Variants in KCNT1 observed in about 807,000 individuals in gnomAD.
The protein encoded by KCNT1 is potassium channel subfamily T member 1.
KCNT1 carries 78 observed loss-of-function variants against 147.8 expected under a neutral mutation model. The ratio of observed to expected loss-of-function variants is 0.53; its 90% CI spans 0.44 to 0.64. The LOEUF is 0.64. Ranked by LOEUF, KCNT1 falls within the 30% of genes least tolerant of loss-of-function variation. The pLI is 0.00. For synonymous variants in KCNT1, 867 were observed against 748.8 expected, an observed-to-expected ratio of 1.16 and a Z score of -2.58; for missense variants, 1,419 against 1,750.3, an observed-to-expected ratio of 0.81 and a Z score of 3.38.
chr9:135,770,144 C>T (rs777350243), intron 16 of KCNT1, 89 bp downstream of exon 16: 73 of 1,396,654 alleles, frequency 5.2e-5, no homozygotes, highest in Admixed American at 3.9e-4. Flanking sequence ...CGGGGATGGG[C>T]TTCCCAGAGG....
intron 1 of KCNT1, chr9:135,703,288 G>A (rs1261150741): frequency 6.6e-6 from 1 of 152,508 alleles, no homozygotes; most frequent in Admixed American, 6.5e-5. Flanking sequence ...GCTGTCCTGA[G>A]GCCAGAGAAG....
In KCNT1 at chr9:135,794,210, T is replaced by G. The variant is rs72771913; in HGVS notation, c.*2049T>G. 1 of 152,216 alleles carries G rather than the reference T, an allele frequency of 6.6e-6. No homozygotes were observed. The highest frequency in any genetic ancestry group is 2.4e-5 in the African/African-American group (1 of 41,428). The allele number at this position is 152,216 out of a possible 1,614,324, so 9.4% of individuals were successfully genotyped here. A position where few individuals can be genotyped will look rare whatever the true frequency, so the allele number is the denominator to read the frequency against. ...CACCATGGGGGAGTCGCATGACTTA[T>G]TCGGGATTGACTTGCGATGTGGATG... On this transcript the variant is annotated 3_prime_UTR_variant, in exon 31 of 31. Transcript: ENST00000371757.
chr9:135,739,355 A>G (rs1385782671), intron 2 of KCNT1, among the ~76,000 whole-genome samples: 1 of 152,024 alleles, frequency 6.6e-6, no homozygotes, highest in Non-Finnish European at 1.5e-5. Flanking sequence ...CAGGTCTGTC[A>G]GTCCAGCTGT....
rs1832679919 is a variant in KCNT1 at position 135,770,512 on chromosome 9, C to G, written c.1769+65C>G. ...CTGCTCTGCTCTGTGCCCTCCCCAC[C>G]CTCCCGGTCAGGCACAGGGGTGGCC... On this transcript the variant is annotated intron_variant, in intron 17 of 30. Coordinates refer to ENST00000371757, the MANE Select transcript of KCNT1 (RefSeq NM_020822.3). 12 of 1,537,512 alleles carry G rather than the reference C, an allele frequency of 7.8e-6. No homozygotes were observed. In the Admixed American group the frequency reaches 9.7e-5, roughly 12 times the overall value.
chr9:135,731,991 T>TATATATATAGAG (rs1276318460), intron 2 of KCNT1, among the ~76,000 whole-genome samples: 34 of 21,714 alleles, frequency 1.6e-3, no homozygotes, highest in Non-Finnish European at 1.9e-3. Flanking sequence ...TATATATATA[T>TATATATATAGAG]AGAGAGAGAG....
chr9:135,754,216 G>T (rs1202234188), intron 5 of KCNT1, among the ~76,000 whole-genome samples: 1 of 152,244 alleles, frequency 6.6e-6, no homozygotes, highest in African/African-American at 2.4e-5. Flanking sequence ...CCTGGTCCCT[G>T]AGGGATAATG....
At position 135,791,466 on chromosome 9, in the gene KCNT1, GGCAGGTGTGCGCTGGTGTGT is replaced by G. The variant is rs1253843496; in HGVS notation, c.3503-320_3503-301del. The G allele has an allele frequency of 5.0e-4, 160 of 319,484 alleles. 5 individuals are homozygous for G. In the South Asian group the frequency reaches 5.1e-3, roughly 10 times the overall value. 19.8% of individuals were successfully genotyped at this position (319,484 alleles called of 1,614,324 possible). A position where few individuals can be genotyped will look rare whatever the true frequency, so the allele number is the denominator to read the frequency against. ...CCGGTGTCTGCAGGCTGACGTACGT[GGCAGGTGTGCGCTGGTGTGT>G]GCAGGTGTGCTCAGTGCCTCTGCTC... On this transcript the variant is annotated intron_variant, in intron 29 of 30. Coordinates refer to ENST00000371757, the MANE Select transcript of KCNT1 (RefSeq NM_020822.3).
chr9:135,722,058 G>A (rs529026303), intron 2 of KCNT1, among the ~76,000 whole-genome samples: 68 of 152,312 alleles, frequency 4.5e-4, no homozygotes, highest in Non-Finnish European at 6.0e-4. Flanking sequence ...AGAGGCTGTC[G>A]GTGACCAGGG....
At chr9:135,780,142 C>T (rs1833502214) in intron 24 of KCNT1, among the ~76,000 whole-genome samples, 1 of 152,214 alleles carries the variant, frequency 6.6e-6, no homozygotes, top group Non-Finnish European at 1.5e-5. Flanking sequence ...TGACCCCAGC[C>T]CCACCGCATT....
intron 19 of KCNT1, among the ~76,000 whole-genome samples, chr9:135,774,235 T>G (rs1323593566): frequency 6.7e-6 from 1 of 149,530 alleles, no homozygotes; most frequent in East Asian, 2.0e-4. Context: ...GTGTTGTGTG[T>G]GGTGTGTGTC....
intron 2 of KCNT1, among the ~76,000 whole-genome samples, chr9:135,722,057 C>T (rs1299712730): frequency 3.9e-5 from 6 of 152,190 alleles, no homozygotes; most frequent in Admixed American, 2.0e-4. Flanking sequence ...CAGAGGCTGT[C>T]GGTGACCAGG....
At chr9:135,748,649 G>A (rs926898394) in intron 2 of KCNT1, among the ~76,000 whole-genome samples, 2 of 152,226 alleles carry the variant, frequency 1.3e-5, no homozygotes, top group Non-Finnish European at 1.5e-5. Context: ...GCTGCCCTGG[G>A]ACCTCTGCTT....
In KCNT1 at chr9:135,702,342, G is replaced by C; in HGVS notation, c.84G>C (p.Glu28Asp). 1 of 1,611,524 alleles carries C rather than the reference G, an allele frequency of 6.2e-7. No individual in the cohort carries two copies. The highest frequency in any genetic ancestry group is 8.5e-7 in the Non-Finnish European group (1 of 1,179,254). ...RGGGYTNRTF[E>D]FDDGQCAPRR... ...GGGGCTACACCAACCGGACCTTCGA[G>C]TTTGACGACGGCCAATGCGCCCCCA... Residue 28 changes from glutamate to aspartate, a missense_variant, in exon 1 of 31, where the codon GAG (glutamate) becomes GAC (aspartate). Glu to Asp is a conservative substitution (Grantham distance 45). Around this residue, in one of 5 missense-constraint regions of KCNT1, gnomAD observed 181 missense variants for 155.7 expected, o/e 1.16. Transcript: ENST00000371757.
intron 1 of KCNT1, among the ~76,000 whole-genome samples, chr9:135,711,732 G>T (rs1395395716): frequency 6.6e-6 from 1 of 152,220 alleles, no homozygotes. Flanking sequence ...CCAAAAGTCA[G>T]TGTCCCAAGC....
chr9:135,788,181 G>A, intron 29 of KCNT1: 1 of 1,607,534 alleles, frequency 6.2e-7, no homozygotes, highest in Non-Finnish European at 8.5e-7. Context: ...GCCCTGGCGG[G>A]TGCCGACCAC....
At position 135,758,367 on chromosome 9, in the gene KCNT1, C is replaced by T. The variant is rs148458008; in HGVS notation, c.760-47C>T. On this transcript the variant is annotated intron_variant, in intron 9 of 30. Coordinates refer to ENST00000371757, the MANE Select transcript of KCNT1 (RefSeq NM_020822.3). ...CTAGTCTCTATTCATTGGCTCCTGG[C>T]GGGGTCCACAGTCCCTGCCCGCTGA... The T allele has an allele frequency of 8.3e-3, 11,598 of 1,395,122 alleles. 83 individuals carry two copies. Among genetic ancestry groups the T allele is most frequent in the Non-Finnish European group, 9.4e-3 (9,289 of 986,722 alleles). The allele number at this position is 1,395,122 out of a possible 1,614,324, so 86.4% of individuals were successfully genotyped here. A position where few individuals can be genotyped will look rare whatever the true frequency, so the allele number is the denominator to read the frequency against.
At chr9:135,765,301 G>A (rs1832186827) in intron 12 of KCNT1, 106 bp downstream of exon 12, 1 of 1,131,148 alleles carries the variant, frequency 8.8e-7, no homozygotes, top group South Asian at 1.4e-5. Flanking sequence ...CTCAGCCTTG[G>A]TTTACCCCTT....
intron 2 of KCNT1, among the ~76,000 whole-genome samples, chr9:135,731,115 C>T (rs1342103515): frequency 2.0e-5 from 3 of 152,098 alleles, no homozygotes; most frequent in Non-Finnish European, 2.9e-5. Flanking sequence ...CCACCGCCTC[C>T]ACTTTGGCCA....
At chr9:135,786,111 A>T in intron 28 of KCNT1, 86 bp from the exon 29 acceptor site, 2 of 1,251,754 alleles carry the variant, frequency 1.6e-6, no homozygotes, top group Non-Finnish European at 2.2e-6. Flanking sequence ...CAGAGCCCAC[A>T]CCTCTTCCTA....
Sources: gnomAD v4.1 joint callset for allele counts (sites outside exome capture counted in the v4.1 genomes callset) on GRCh38, gnomAD v4.1.1 for gene constraint, gnomAD v4.1.1 regional missense constraint, MANE v1.5 for transcripts, NCBI Gene and HGNC (gene_info 2026-07-23, HGNC 2026-07-21) for gene names.